PSMG2: variants seen among roughly 807,000 people sequenced by gnomAD.
PSMG2 encodes CD40 ligand-activated specific transcript 3.
Under a neutral mutation model 31.5 loss-of-function variants are expected in PSMG2, and 21 were observed. That is an observed-to-expected ratio of 0.67 (90% confidence interval 0.47 to 0.96). The LOEUF (loss-of-function observed/expected upper bound fraction) is 0.96. Ranked by LOEUF, PSMG2 falls within the 40% of genes least tolerant of loss-of-function variation. The pLI is 0.00. For synonymous variants in PSMG2, 120 were observed against 110.4 expected, an observed-to-expected ratio of 1.09 and a Z score of -0.54; for missense variants, 318 against 321.2, an observed-to-expected ratio of 0.99 and a Z score of 0.08.
intron 1 of PSMG2, among the ~76,000 whole-genome samples, chr18:12,683,255 G>A (rs1308478636): frequency 1.3e-5 from 2 of 149,960 alleles, no homozygotes; most frequent in Non-Finnish European, 3.0e-5. Context: ...AGGAGGCTGA[G>A]GTAGGAGAAT....
chr18:12,705,441 C>T (rs1250607759), intron 1 of PSMG2, among the ~76,000 whole-genome samples: 1 of 151,960 alleles, frequency 6.6e-6, no homozygotes, highest in African/African-American at 2.4e-5. Flanking sequence ...TGTGAGTTTC[C>T]TGTGACCTAA....
chr18:12,717,644 C>G (rs1037045798), intron 3 of PSMG2, among the ~76,000 whole-genome samples: 4 of 152,222 alleles, frequency 2.6e-5, no homozygotes, highest in Non-Finnish European at 4.4e-5. Flanking sequence ...CACAGCTGTT[C>G]CGAAAGTATC....
chr18:12,698,992 G>A (rs1771285624), upstream of PSMG2: 1 of 1,610,460 alleles, frequency 6.2e-7, no homozygotes, highest in Non-Finnish European at 8.5e-7. Context: ...AGCTTTCTCT[G>A]TGTACTTCAA....
intron 1 of PSMG2, among the ~76,000 whole-genome samples, chr18:12,661,143 A>G (rs2038688665): frequency 6.6e-6 from 1 of 152,050 alleles, no homozygotes; most frequent in East Asian, 1.9e-4. Context: ...ACCTGTCTCT[A>G]CTAAAAATAC....
intron 1 of PSMG2, among the ~76,000 whole-genome samples, chr18:12,663,992 C>T (rs1469732800): frequency 1.3e-5 from 2 of 152,170 alleles, no homozygotes; most frequent in Non-Finnish European, 2.9e-5. Context: ...TGGAGAAACC[C>T]TGTCTCTACT....
At chr18:12,696,010 T>C (rs2039944158) in intron 1 of PSMG2, among the ~76,000 whole-genome samples, 1 of 152,104 alleles carries the variant, frequency 6.6e-6, no homozygotes. Context: ...AGAAAACAAA[T>C]ATACTTCACA....
At chr18:12,691,841 G>C (rs778770798) in intron 1 of PSMG2, among the ~76,000 whole-genome samples, 9 of 151,564 alleles carry the variant, frequency 5.9e-5, no homozygotes, top group Non-Finnish European at 1.3e-4. Flanking sequence ...TCAGCCTCCT[G>C]AGTAGCTGGG....
At chr18:12,669,416 T>A (rs2038884083) in intron 1 of PSMG2, among the ~76,000 whole-genome samples, 1 of 151,642 alleles carries the variant, frequency 6.6e-6, no homozygotes, top group African/African-American at 2.4e-5. Flanking sequence ...CTGGCCCCAA[T>A]TTTTTTTATT....
intron 1 of PSMG2, among the ~76,000 whole-genome samples, chr18:12,667,715 C>T (rs1283680429): frequency 1.4e-5 from 2 of 146,422 alleles, no homozygotes; most frequent in Non-Finnish European, 3.0e-5. Context: ...GAACCAAGAT[C>T]GTGCCACTGC....
At chr18:12,673,461 T>C in intron 1 of PSMG2, 1 of 1,589,708 alleles carries the variant, frequency 6.3e-7, no homozygotes, top group Non-Finnish European at 8.5e-7. Context: ...CCAGTCGCAC[T>C]TGGTCTCCAC....
chr18:12,701,263 TTGAGTACAAATTC>T (rs753007091), upstream of PSMG2: 4 of 608,882 alleles, frequency 6.6e-6, no homozygotes, highest in Non-Finnish European at 1.1e-5. Context: ...AATGAATCTT[TTGAGTACAAATTC>T]TAGAAATAGT....
upstream of PSMG2, among the ~76,000 whole-genome samples, chr18:12,699,463 T>A (rs550567566): frequency 4.5e-4 from 69 of 152,320 alleles, no homozygotes; most frequent in Non-Finnish European, 8.1e-4. Context: ...AGCCAATATG[T>A]AGTATACTTT....
At chr18:12,663,546 T>A (rs780146938) in intron 1 of PSMG2, 1 of 152,152 alleles carries the variant, frequency 6.6e-6, no homozygotes, top group Non-Finnish European at 1.5e-5. Context: ...GTGCTGGGAT[T>A]ACAGATGTGA....
At chr18:12,714,260 CAA>C (rs913168055) in intron 3 of PSMG2, among the ~76,000 whole-genome samples, 2 of 152,176 alleles carry the variant, frequency 1.3e-5, no homozygotes, top group Admixed American at 6.5e-5. Context: ...GCCAGCATAA[CAA>C]GAGTCATGCT....
intron 2 of PSMG2, among the ~76,000 whole-genome samples, chr18:12,712,425 G>A (rs1242179182): frequency 6.6e-6 from 1 of 151,930 alleles, no homozygotes; most frequent in Non-Finnish European, 1.5e-5. Context: ...ATACTTCTCT[G>A]GTTTTGCAGT....
chr18:12,714,418 G>T (rs556496673), intron 3 of PSMG2, among the ~76,000 whole-genome samples: 5 of 151,302 alleles, frequency 3.3e-5, no homozygotes, highest in Non-Finnish European at 7.4e-5. Flanking sequence ...GACTCCAATG[G>T]TTTGCCTCCT....
intron 1 of PSMG2, among the ~76,000 whole-genome samples, chr18:12,682,138 T>G (rs2064790094): frequency 6.6e-6 from 1 of 152,174 alleles, no homozygotes; most frequent in Non-Finnish European, 1.5e-5. Context: ...ACTATTTGAG[T>G]TGAGTGTCCG....
chr18:12,693,145 A>G (rs1263635443), intron 1 of PSMG2, among the ~76,000 whole-genome samples: 1 of 152,232 alleles, frequency 6.6e-6, no homozygotes, highest in African/African-American at 2.4e-5. Flanking sequence ...AATTTTAAAG[A>G]GAAAATTAGA....
intron 1 of PSMG2, among the ~76,000 whole-genome samples, chr18:12,669,032 CTTTTTTTTTTTTT>C (rs71174122): frequency 1.7e-4 from 7 of 41,954 alleles, no homozygotes; most frequent in Admixed American, 5.7e-4. Flanking sequence ...ACCCCCCGCA[CTTTTTTTTTTTTT>C]TTTTTTTTTT....
Sources: allele counts gnomAD v4.1 joint callset (sites outside exome capture counted in the v4.1 genomes callset), GRCh38; gene constraint gnomAD v4.1.1; transcripts MANE v1.5; gene names NCBI Gene and HGNC (gene_info 2026-07-23, HGNC 2026-07-21).